CCDC73: variants seen among roughly 807,000 people sequenced by gnomAD.
CCDC73 encodes the protein coiled-coil domain containing 73.
In CCDC73, 95 loss-of-function variants were observed where a neutral mutation model predicts 116.5. The ratio of observed to expected loss-of-function variants is 0.82; its 90% CI spans 0.69 to 0.97. The LOEUF (loss-of-function observed/expected upper bound fraction) is 0.97. Among genes scored for constraint, CCDC73 ranks in the 50% least tolerant of loss-of-function variants. The pLI is 0.00. For missense variants in CCDC73, 1,066 were observed against 1,206.8 expected, an observed-to-expected ratio of 0.88 and a Z score of 1.73; for synonymous variants, 398 against 401.3, an observed-to-expected ratio of 0.99 and a Z score of 0.10.
chr11:32,753,891 T>C (rs570562547), intron 2 of CCDC73, among the ~76,000 whole-genome samples: 2 of 152,132 alleles, frequency 1.3e-5, no homozygotes, highest in East Asian at 3.9e-4. Context: ...GGATTACAGG[T>C]GTGAGGCACC....
At chr11:32,829,746 G>T in the CCDC73 span, 1 of 984,806 alleles carries the variant, frequency 1.0e-6, no homozygotes, top group East Asian at 1.1e-4. Flanking sequence ...CCAAGGCGGG[G>T]CCAGAACTGG....
intron 2 of CCDC73, among the ~76,000 whole-genome samples, chr11:32,726,283 T>C (rs1459792138): frequency 6.6e-6 from 1 of 152,152 alleles, no homozygotes; most frequent in African/African-American, 2.4e-5. Flanking sequence ...TGACATAGAC[T>C]TTAAAATATA....
In CCDC73 at chr11:32,614,491, C is replaced by T. The variant is rs779077308; in HGVS notation, c.1827G>A (p.Gly609=). Residue 609 remains glycine, a synonymous_variant, in exon 16 of 18, where the codon GGG becomes GGA. Coordinates refer to ENST00000335185, the MANE Select transcript of CCDC73 (RefSeq NM_001008391.4). ...CCTTCTCTAGAGCATGTTCTCGAGT[C>T]CCTGGAAGCAATCTGAATTGTTTGA... ...EPFKQFRLLP[G]TREHALEKEI... 1.2e-6 allele frequency: 2 copies of T among 1,613,072 alleles called. No homozygotes were observed. The highest frequency in any genetic ancestry group is 1.3e-5 in the African/African-American group (1 of 74,940).
At chr11:32,822,700 C>T in the CCDC73 span, among the ~76,000 whole-genome samples, 1 of 148,994 alleles carries the variant, frequency 6.7e-6, no homozygotes, top group Non-Finnish European at 1.5e-5. Context: ...GGAAAGAAAA[C>T]AAGAAAGCAT....
intron 12 of CCDC73, among the ~76,000 whole-genome samples, chr11:32,652,087 T>C (rs1391626164): frequency 1.3e-5 from 2 of 152,120 alleles, no homozygotes; most frequent in East Asian, 1.9e-4. Context: ...TTTTTGAAAT[T>C]TGTAGACCAA....
At chr11:32,660,542 C>T (rs1003484735) in intron 9 of CCDC73, among the ~76,000 whole-genome samples, 3 of 151,690 alleles carry the variant, frequency 2.0e-5, no homozygotes. Flanking sequence ...ATGAGAATAC[C>T]GGTTGGGTGT....
the CCDC73 span, among the ~76,000 whole-genome samples, chr11:32,821,984 G>C: frequency 6.6e-6 from 1 of 152,142 alleles, no homozygotes; most frequent in Non-Finnish European, 1.5e-5. Context: ...AACCCGAAAT[G>C]TTTCCTTAAT....
chr11:32,724,231 A>G (rs1328286784), intron 2 of CCDC73, among the ~76,000 whole-genome samples: 1 of 151,784 alleles, frequency 6.6e-6, no homozygotes, highest in East Asian at 1.9e-4. Context: ...ACCACCCAAA[A>G]CTCCACTGAC....
At chr11:32,667,327 G>A (rs1474458918) in intron 9 of CCDC73, among the ~76,000 whole-genome samples, 1 of 152,228 alleles carries the variant, frequency 6.6e-6, no homozygotes, top group Non-Finnish European at 1.5e-5. Context: ...CGAGCTTCCT[G>A]GCCGCTTTGT....
intron 3 of CCDC73, among the ~76,000 whole-genome samples, chr11:32,717,425 C>G (rs1238859725): frequency 6.6e-6 from 1 of 152,146 alleles, no homozygotes; most frequent in Non-Finnish European, 1.5e-5. Flanking sequence ...AATATTCTCA[C>G]TCCCCTATAA....
the CCDC73 span, among the ~76,000 whole-genome samples, chr11:32,823,627 G>GA: frequency 0.051 from 7,103 of 139,976 alleles, 231 homozygotes; most frequent in African/African-American, 0.098. Context: ...AGCAAAATTG[G>GA]AAAAAAAAAA....
chr11:32,700,103 G>A (rs1305345318), intron 5 of CCDC73, among the ~76,000 whole-genome samples: 1 of 151,544 alleles, frequency 6.6e-6, no homozygotes, highest in Non-Finnish European at 1.5e-5. Context: ...AGAACTTGCA[G>A]ACACTTTATA....
intron 7 of CCDC73, chr11:32,682,181 T>C (rs1008252851): frequency 6.6e-6 from 1 of 151,872 alleles, no homozygotes; most frequent in Non-Finnish European, 1.5e-5. Flanking sequence ...AAAACACATT[T>C]TATGTTGCCT....
chr11:32,830,386 G>A, the CCDC73 span: 1 of 932,270 alleles, frequency 1.1e-6, no homozygotes, highest in Non-Finnish European at 1.4e-6. Flanking sequence ...GACCGAAACC[G>A]CGCGCCGGGC....
intron 2 of CCDC73, among the ~76,000 whole-genome samples, chr11:32,739,900 T>C (rs1850168630): frequency 6.6e-6 from 1 of 152,134 alleles, no homozygotes; most frequent in African/African-American, 2.4e-5. Context: ...TGAAGGGACG[T>C]TGAATTTTAT....
chr11:32,607,962 T>C (rs1195224408), intron 17 of CCDC73, among the ~76,000 whole-genome samples: 1 of 152,170 alleles, frequency 6.6e-6, no homozygotes, highest in Admixed American at 6.5e-5. Flanking sequence ...TCTGATCTCA[T>C]GAGACTTATT....
chr11:32,641,557 C>T (rs928605248), intron 13 of CCDC73, among the ~76,000 whole-genome samples: 10 of 151,844 alleles, frequency 6.6e-5, no homozygotes, highest in Non-Finnish European at 1.5e-4. Context: ...TAATATATCT[C>T]AACAAAACTG....
At chr11:32,654,763 AT>A in intron 10 of CCDC73, 80 bp downstream of exon 10, 2 of 1,050,976 alleles carry the variant, frequency 1.9e-6, no homozygotes, top group Non-Finnish European at 2.6e-6. Flanking sequence ...AAGGCGGAGT[AT>A]TTTTGTGTTA....
intron 2 of CCDC73, among the ~76,000 whole-genome samples, chr11:32,731,964 TTCTCCGA>T (rs1850082521): frequency 1.3e-5 from 2 of 152,156 alleles, no homozygotes; most frequent in African/African-American, 4.8e-5. Flanking sequence ...AATAACAAAC[TTCTCCGA>T]GCTAAAGGAG....
Sources: allele counts gnomAD v4.1 joint callset (sites outside exome capture counted in the v4.1 genomes callset), GRCh38; gene constraint gnomAD v4.1.1; transcripts MANE v1.5; gene names NCBI Gene and HGNC (gene_info 2026-07-23, HGNC 2026-07-21).